The following STIM2 variants were observed in gnomAD, a reference collection of about 807,000 sequenced individuals.
The protein encoded by STIM2 is stromal interaction molecule 2.
STIM2 carries 31 observed loss-of-function variants against 85.8 expected under a neutral mutation model. The ratio of observed to expected loss-of-function variants is 0.36; its 90% CI spans 0.27 to 0.49. The LOEUF (loss-of-function observed/expected upper bound fraction) is 0.49, where lower values mean the gene tolerates loss of function less well. Among genes scored for constraint, STIM2 ranks in the 20% least tolerant of loss-of-function variants. STIM2 has a pLI of 0.98. For synonymous variants in STIM2, 356 were observed against 331.1 expected (o/e 1.08, Z -0.82); for missense variants, 841 against 927.6 (o/e 0.91, Z 1.21).
intron 4 of STIM2, among the ~76,000 whole-genome samples, chr4:26,996,814 A>G (rs1341293530): frequency 2.0e-5 from 3 of 152,190 alleles, no homozygotes; most frequent in African/African-American, 7.2e-5. Flanking sequence ...GAGGAACAAT[A>G]GGAATTTTCT....
chr4:27,008,371 C>T, intron 8 of STIM2, 57 bp from the exon 9 acceptor site: 20 of 1,079,402 alleles, frequency 1.9e-5, no homozygotes, highest in Non-Finnish European at 2.5e-5. Flanking sequence ...GTTATATATA[C>T]AAAAATGTCT....
At chr4:26,869,741 A>G (rs1483442304) in intron 1 of STIM2, among the ~76,000 whole-genome samples, 2 of 151,702 alleles carry the variant, frequency 1.3e-5, no homozygotes, top group East Asian at 3.9e-4. Flanking sequence ...TGCATAATCT[A>G]AAAATATGAA....
chr4:26,995,156 C>T (rs1045024988), intron 3 of STIM2, among the ~76,000 whole-genome samples: 8 of 152,016 alleles, frequency 5.3e-5, no homozygotes, highest in African/African-American at 1.7e-4. Context: ...TGTTTATTTT[C>T]GAATTAATCA....
intron 1 of STIM2, among the ~76,000 whole-genome samples, chr4:26,892,325 T>C (rs996426315): frequency 6.6e-6 from 1 of 152,188 alleles, no homozygotes; most frequent in Non-Finnish European, 1.5e-5. Context: ...GCAGATCCAG[T>C]GTCTAGTGAG....
intron 1 of STIM2, among the ~76,000 whole-genome samples, chr4:26,919,294 A>G (rs1303057632): frequency 6.6e-6 from 1 of 152,118 alleles, no homozygotes; most frequent in African/African-American, 2.4e-5. Flanking sequence ...TAGTTGCCTG[A>G]TGTTAATTAA....
At chr4:26,973,053 G>T (rs1727025668) in intron 3 of STIM2, among the ~76,000 whole-genome samples, 1 of 152,108 alleles carries the variant, frequency 6.6e-6, no homozygotes, top group African/African-American at 2.4e-5. Context: ...ATTCTCTGAT[G>T]GTAGTTTGCG....
intron 2 of STIM2, among the ~76,000 whole-genome samples, chr4:26,933,226 C>T (rs964780662): frequency 2.6e-5 from 4 of 151,220 alleles, no homozygotes; most frequent in African/African-American, 9.7e-5. Context: ...TGGAATTCTT[C>T]ATTTTTTCAT....
chr4:26,894,596 C>T (rs1723623648), intron 1 of STIM2, among the ~76,000 whole-genome samples: 1 of 151,080 alleles, frequency 6.6e-6, no homozygotes, highest in African/African-American at 2.4e-5. Flanking sequence ...CTAGTTGTGT[C>T]GTATAGCAAG....
chr4:26,898,773 T>G (rs1405075326), intron 1 of STIM2, among the ~76,000 whole-genome samples: 1 of 152,186 alleles, frequency 6.6e-6, no homozygotes, highest in Non-Finnish European at 1.5e-5. Context: ...TGTATCATTT[T>G]GAATTTGTAA....
chr4:26,899,256 C>G (rs1037881496), intron 1 of STIM2, among the ~76,000 whole-genome samples: 1 of 151,918 alleles, frequency 6.6e-6, no homozygotes, highest in Non-Finnish European at 1.5e-5. Flanking sequence ...AATGTTAAAC[C>G]AATCTTCTGT....
chr4:27,002,595 TAGA>T (rs1273294574), intron 6 of STIM2, among the ~76,000 whole-genome samples: 4 of 152,212 alleles, frequency 2.6e-5, no homozygotes, highest in Non-Finnish European at 4.4e-5. Context: ...AATAAATGAG[TAGA>T]AGAACAGTGG....
intron 3 of STIM2, among the ~76,000 whole-genome samples, chr4:26,977,340 A>T (rs1182196117): frequency 6.6e-6 from 1 of 152,230 alleles, no homozygotes; most frequent in Non-Finnish European, 1.5e-5. Context: ...AGGGCCAATA[A>T]GGAATTTGAG....
intron 3 of STIM2, among the ~76,000 whole-genome samples, chr4:26,974,001 T>C (rs913780786): frequency 2.0e-5 from 3 of 152,192 alleles, no homozygotes; most frequent in African/African-American, 4.8e-5. Flanking sequence ...AACAGCCTTG[T>C]TTCTTTTGAT....
At chr4:26,944,487 A>G (rs957658249) in intron 2 of STIM2, among the ~76,000 whole-genome samples, 7 of 152,144 alleles carry the variant, frequency 4.6e-5, no homozygotes, top group African/African-American at 1.7e-4. Context: ...CCATTGGTCC[A>G]TAATAGATAC....
intron 1 of STIM2, among the ~76,000 whole-genome samples, chr4:26,902,811 C>T (rs1461412697): frequency 6.6e-6 from 1 of 152,104 alleles, no homozygotes; most frequent in Non-Finnish European, 1.5e-5. Flanking sequence ...TGCAGAGTTC[C>T]AGTCTACTAT....
intron 1 of STIM2, among the ~76,000 whole-genome samples, chr4:26,901,264 G>A (rs1481687654): frequency 1.3e-5 from 2 of 151,982 alleles, no homozygotes; most frequent in African/African-American, 4.8e-5. Flanking sequence ...TTTTTTGGAG[G>A]TAACACCATC....
At position 27,020,900 on chromosome 4, in the gene STIM2, G is replaced by A. The variant is rs1009610522; in HGVS notation, c.1764-1619G>A. The A allele has an allele frequency of 8.5e-6, 9 of 1,052,646 alleles. No individual in the cohort carries two copies. In the African/African-American group the frequency reaches 1.4e-4, roughly 17 times the overall value. 65.2% of individuals were successfully genotyped at this position (1,052,646 alleles called of 1,614,324 possible). On this transcript the variant is annotated intron_variant, in intron 11 of 11. Transcript: ENST00000467087. ...ATATGTGCTCTTGCCTTTCTGTTCT[G>A]CCTTCAGCTCTGTTCCCTTCTCACA...
intron 3 of STIM2, among the ~76,000 whole-genome samples, chr4:26,972,130 G>A (rs979955797): frequency 6.6e-6 from 1 of 152,156 alleles, no homozygotes; most frequent in African/African-American, 2.4e-5. Flanking sequence ...TCAGCTTAAG[G>A]AGATTTGGGG....
At chr4:26,869,601 T>A (rs1398980795) in intron 1 of STIM2, among the ~76,000 whole-genome samples, 1 of 152,080 alleles carries the variant, frequency 6.6e-6, no homozygotes, top group Non-Finnish European at 1.5e-5. Context: ...TGATCATAGC[T>A]CACTGCAGCC....
Sources: allele counts gnomAD v4.1 joint callset (sites outside exome capture counted in the v4.1 genomes callset), GRCh38; gene constraint gnomAD v4.1.1; transcripts MANE v1.5; gene names NCBI Gene and HGNC (gene_info 2026-07-23, HGNC 2026-07-21).